The following ZNF516 variants were observed in gnomAD, a reference collection of about 807,000 sequenced individuals.
The protein encoded by ZNF516 is zinc finger protein 516.
Under a neutral mutation model 79.7 loss-of-function variants are expected in ZNF516, and 19 were observed. That is an observed-to-expected ratio of 0.24 (90% CI 0.17 to 0.35). The LOEUF (loss-of-function observed/expected upper bound fraction) is 0.35, where lower values mean the gene tolerates loss of function less well. Among genes scored for constraint, ZNF516 ranks in the 10% least tolerant of loss-of-function variants. The probability of loss-of-function intolerance (pLI) is 1.00; values close to 1 mark genes in which losing one functional copy is unlikely to be tolerated. For synonymous variants in ZNF516, 877 were observed against 739.5 expected, an observed-to-expected ratio of 1.19 and a Z score of -3.02; for missense variants, 1,678 against 1,679.5, an observed-to-expected ratio of 1.00 and a Z score of 0.02.
At chr18:76,387,434 A>G (rs1004532493) in intron 3 of ZNF516, 1 of 152,244 alleles carries the variant, frequency 6.6e-6, no homozygotes, top group Admixed American at 6.5e-5. Context: ...ACGCTCTGCC[A>G]TTGACCTGCT....
rs772422644 is a variant in ZNF516, at chr18:76,442,644, G to A, written c.411C>T (p.Ala137=). 7.2e-5 allele frequency: 114 copies of A among 1,588,634 alleles called. No homozygotes were observed. In the East Asian group the frequency reaches 2.5e-3, roughly 35 times the overall value. ...LLNGASQADG[A]RVLNGASQAD... is the part of the protein sequence containing the mutation. ...CCTGCGAGGCCCCGTTCAGGACCCT[G>A]GCGCCGTCGGCCTGCGAGGCCCCGT... Residue 137 remains alanine (A), a synonymous_variant, in exon 3 of 7, where the codon GCC becomes GCT. Coordinates refer to ENST00000443185, the MANE Select transcript of ZNF516 (RefSeq NM_014643.4).
intron 1 of ZNF516, among the ~76,000 whole-genome samples, chr18:76,466,471 C>CCA (rs1345204554): frequency 4.6e-5 from 7 of 152,240 alleles, no homozygotes; most frequent in Non-Finnish European, 1.0e-4. Flanking sequence ...CACCAGGCTA[C>CCA]CAGCATCTGT....
intron 1 of ZNF516, among the ~76,000 whole-genome samples, chr18:76,484,465 G>A (rs1253640212): frequency 2.6e-5 from 4 of 152,158 alleles, no homozygotes; most frequent in Non-Finnish European, 5.9e-5. Context: ...CACTCCTAAC[G>A]ATATAACACC....
intron 2 of ZNF516, among the ~76,000 whole-genome samples, chr18:76,449,481 G>A (rs1165852861): frequency 6.6e-6 from 1 of 152,234 alleles, no homozygotes. Flanking sequence ...GTTGTGAGAG[G>A]CAGCCAGACT....
intron 3 of ZNF516, among the ~76,000 whole-genome samples, chr18:76,399,269 A>T (rs2075186676): frequency 1.3e-5 from 2 of 152,404 alleles, no homozygotes; most frequent in South Asian, 4.1e-4. Context: ...CACATGTCTT[A>T]TGAAGCACAG....
chr18:76,370,436 AAAG>A, intron 6 of ZNF516, 89 bp downstream of exon 6: 3 of 1,268,532 alleles, frequency 2.4e-6, no homozygotes, highest in South Asian at 1.6e-5. Flanking sequence ...AAAAAAACAA[AAAG>A]AAGGTCATGC....
chr18:76,388,087 C>G (rs921445185), intron 3 of ZNF516: 3 of 152,184 alleles, frequency 2.0e-5, no homozygotes, highest in Non-Finnish European at 4.4e-5. Context: ...GACAGCTGAA[C>G]TCCAGGGGAA....
intron 2 of ZNF516, among the ~76,000 whole-genome samples, chr18:76,447,287 G>C (rs888083942): frequency 1.3e-5 from 2 of 152,218 alleles, no homozygotes; most frequent in African/African-American, 4.8e-5. Flanking sequence ...TGGCACGACG[G>C]GCTGTGCTTT....
chr18:76,384,928 C>A (rs1014203163), intron 3 of ZNF516, among the ~76,000 whole-genome samples: 2 of 152,224 alleles, frequency 1.3e-5, no homozygotes, highest in Admixed American at 1.3e-4. Flanking sequence ...TAACCCTGAC[C>A]GCAGTGCCGA....
At chr18:76,458,948 TGA>T (rs1183813182) in intron 2 of ZNF516, among the ~76,000 whole-genome samples, 3 of 152,184 alleles carry the variant, frequency 2.0e-5, no homozygotes, top group South Asian at 2.1e-4. Flanking sequence ...TGGGTGAACA[TGA>T]GAGAGACTGA....
chr18:76,483,621 C>A (rs1599160970), intron 1 of ZNF516, among the ~76,000 whole-genome samples: 1 of 152,292 alleles, frequency 6.6e-6, no homozygotes, highest in African/African-American at 2.4e-5. Flanking sequence ...AGGGCCCAGC[C>A]GTCTATCAGA....
chr18:76,361,297 C>A lies in ZNF516; in HGVS notation c.*1201G>T, dbSNP rs554358371. On this transcript the variant is annotated 3_prime_UTR_variant, in exon 7 of 7. Coordinates refer to ENST00000443185, the MANE Select transcript of ZNF516 (RefSeq NM_014643.4). ...TGGAATACCATTTCAATTGCGTACA[C>A]TGCATGGTTTAAGATCCTTTGTTAT... The A allele has an allele frequency of 1.3e-5, 2 of 152,222 alleles. No homozygotes were observed. Among genetic ancestry groups the A allele is most frequent in the Non-Finnish European group, 2.9e-5 (2 of 68,046 alleles). The allele number at this position is 152,222 out of a possible 1,614,324, so 9.4% of individuals were successfully genotyped here. A position where few individuals can be genotyped will look rare whatever the true frequency, so the allele number is the denominator to read the frequency against.
At chr18:76,487,557 C>T (rs895215799) in intron 1 of ZNF516, among the ~76,000 whole-genome samples, 1 of 152,206 alleles carries the variant, frequency 6.6e-6, no homozygotes, top group Non-Finnish European at 1.5e-5. Flanking sequence ...CTTTCTTCCT[C>T]CTCCTCCCAT....
In ZNF516 at chr18:76,435,737, G is replaced by A. The variant is rs562550356; in HGVS notation, c.1810+5508C>T. Among the ~76,000 whole-genome samples the A allele has an allele frequency of 1.2e-4, 19 of 152,360 alleles. No homozygotes were observed. In the South Asian group the frequency reaches 3.9e-3, roughly 32 times the overall value. On this transcript the variant is annotated intron_variant, in intron 3 of 6. Coordinates refer to ENST00000443185, the MANE Select transcript of ZNF516 (RefSeq NM_014643.4). ...CGTACAGGGTAAAGTCACGGAGGAT[G>A]TCTTCTCTCCAGGTAGAGCCCTGGA... is the stretch of plus-strand genomic sequence containing the variant.
At chr18:76,469,337 TATTTA>T (rs1568319087) in intron 1 of ZNF516, among the ~76,000 whole-genome samples, 1 of 152,254 alleles carries the variant, frequency 6.6e-6, no homozygotes, top group African/African-American at 2.4e-5. Context: ...TATATCTTTA[TATTTA>T]GAGGGCTTTT....
At chr18:76,471,524 C>T (rs766270671) in intron 1 of ZNF516, among the ~76,000 whole-genome samples, 3 of 152,180 alleles carry the variant, frequency 2.0e-5, no homozygotes, top group Non-Finnish European at 2.9e-5. Flanking sequence ...AGGCCTTTTC[C>T]AGTTCAGAAG....
At chr18:76,384,020 C>G (rs1015825360) in intron 3 of ZNF516, among the ~76,000 whole-genome samples, 1 of 152,190 alleles carries the variant, frequency 6.6e-6, no homozygotes, top group Non-Finnish European at 1.5e-5. Context: ...AAAACTAAGA[C>G]GAGGGGCCTC....
intron 3 of ZNF516, among the ~76,000 whole-genome samples, chr18:76,406,501 T>A (rs1203998332): frequency 6.6e-6 from 1 of 151,948 alleles, no homozygotes; most frequent in Non-Finnish European, 1.5e-5. Flanking sequence ...GAGACGGAGG[T>A]TGCAGTGAGC....
chr18:76,423,767 C>CAT (rs2075544833), intron 3 of ZNF516, among the ~76,000 whole-genome samples: 1 of 133,366 alleles, frequency 7.5e-6, no homozygotes, highest in South Asian at 2.5e-4. Context: ...AAGGCTCCCC[C>CAT]GAAACACACG....
Sources: gnomAD v4.1 joint callset for allele counts (sites outside exome capture counted in the v4.1 genomes callset) on GRCh38, gnomAD v4.1.1 for gene constraint, MANE v1.5 for transcripts, NCBI Gene and HGNC (gene_info 2026-07-23, HGNC 2026-07-21) for gene names.